PRKG1: variants seen among roughly 807,000 people sequenced by gnomAD.
The protein encoded by PRKG1 is protein kinase cGMP-dependent 1, also known as cGMP-dependent protein kinase 1.
In PRKG1, 35 loss-of-function variants were observed where a neutral mutation model predicts 88.1. That is an observed-to-expected ratio of 0.40 (90% confidence interval 0.30 to 0.53). PRKG1 has a LOEUF of 0.53. Ranked by LOEUF, PRKG1 falls within the 20% of genes least tolerant of loss-of-function variation. The pLI, the probability that PRKG1 is intolerant of heterozygous loss-of-function variation, is 0.59. For synonymous variants in PRKG1, 303 were observed against 292.5 expected, an observed-to-expected ratio of 1.04 and a Z score of -0.37; for missense variants, 540 against 839.8, an observed-to-expected ratio of 0.64 and a Z score of 4.41.
chr10:51,181,060 C>T (rs1176305312), intron 2 of PRKG1, among the ~76,000 whole-genome samples: 2 of 151,902 alleles, frequency 1.3e-5, no homozygotes, highest in East Asian at 3.9e-4. Context: ...TACTGTTACA[C>T]CTTGGATCAG....
intron 4 of PRKG1, among the ~76,000 whole-genome samples, chr10:51,831,961 G>A (rs1840017155): frequency 6.6e-6 from 1 of 152,070 alleles, no homozygotes; most frequent in Non-Finnish European, 1.5e-5. Context: ...TTCCGTATAT[G>A]TATATATTAC....
intron 2 of PRKG1, among the ~76,000 whole-genome samples, chr10:51,412,369 G>A (rs1028388687): frequency 2.6e-5 from 4 of 152,104 alleles, no homozygotes; most frequent in African/African-American, 7.2e-5. Context: ...CATCCTAAGG[G>A]CATAGTGTCT....
intron 3 of PRKG1, among the ~76,000 whole-genome samples, chr10:51,530,598 G>T (rs775973884): frequency 1.3e-5 from 2 of 152,096 alleles, no homozygotes; most frequent in South Asian, 4.1e-4. Context: ...CGTCATCATG[G>T]TCACCAATGC....
intron 1 of PRKG1, among the ~76,000 whole-genome samples, chr10:51,034,668 T>TTTTA (rs9299454): frequency 0.037 from 2,540 of 68,094 alleles, 156 homozygotes; most frequent in Middle Eastern, 0.097. Context: ...AATATGTTAT[T>TTTTA]TATATATATA....
chr10:51,242,906 A>G (rs774793175), intron 2 of PRKG1, among the ~76,000 whole-genome samples: 5 of 152,182 alleles, frequency 3.3e-5, no homozygotes, highest in Non-Finnish European at 7.3e-5. Context: ...GACAGATTAT[A>G]CCAAAGTGAT....
At chr10:51,156,557 C>T (rs1393440606) in intron 2 of PRKG1, among the ~76,000 whole-genome samples, 1 of 151,816 alleles carries the variant, frequency 6.6e-6, no homozygotes, top group Non-Finnish European at 1.5e-5. Context: ...TGTTGACTGC[C>T]TTCAGAGTCA....
intron 3 of PRKG1, among the ~76,000 whole-genome samples, chr10:51,617,629 T>C (rs1589134396): frequency 6.6e-6 from 1 of 152,328 alleles, no homozygotes; most frequent in African/African-American, 2.4e-5. Flanking sequence ...CTCTATAGGT[T>C]TGTAGCCTAA....
At chr10:52,171,472 G>T (rs1343983132) in intron 9 of PRKG1, among the ~76,000 whole-genome samples, 1 of 152,154 alleles carries the variant, frequency 6.6e-6, no homozygotes, top group Non-Finnish European at 1.5e-5. Flanking sequence ...CTATTTTATT[G>T]CAGGGCAAAA....
At chr10:51,907,938 T>C (rs1842122022) in intron 5 of PRKG1, 2 of 169,270 alleles carry the variant, frequency 1.2e-5, no homozygotes, top group Admixed American at 1.3e-4. Context: ...GGATTAGTAG[T>C]TGGGCACATA....
intron 5 of PRKG1, among the ~76,000 whole-genome samples, chr10:51,983,608 G>A (rs1844072466): frequency 6.6e-6 from 1 of 152,122 alleles, no homozygotes; most frequent in Non-Finnish European, 1.5e-5. Flanking sequence ...TCTCCTATAG[G>A]AACAAGTTGA....
chr10:51,535,032 A>G (rs2132101213), intron 3 of PRKG1, among the ~76,000 whole-genome samples: 1 of 152,300 alleles, frequency 6.6e-6, no homozygotes, highest in Non-Finnish European at 1.5e-5. Context: ...ATGAATTATC[A>G]CAGAAAAATA....
intron 9 of PRKG1, among the ~76,000 whole-genome samples, chr10:52,199,199 CTGACA>C (rs1467916366): frequency 6.6e-6 from 1 of 152,066 alleles, no homozygotes; most frequent in Non-Finnish European, 1.5e-5. Context: ...CCTTCTAACC[CTGACA>C]TTTTGACCTA....
chr10:51,652,809 C>T (rs1160235786), intron 3 of PRKG1, among the ~76,000 whole-genome samples: 1 of 152,156 alleles, frequency 6.6e-6, no homozygotes, highest in African/African-American at 2.4e-5. Flanking sequence ...TGCCGTGCAA[C>T]AGATCACTAC....
At chr10:52,155,884 A>G (rs911429973) in intron 8 of PRKG1, among the ~76,000 whole-genome samples, 6 of 152,024 alleles carry the variant, frequency 3.9e-5, no homozygotes, top group African/African-American at 1.4e-4. Context: ...CTTGATCACC[A>G]CTAAGTCACT....
intron 3 of PRKG1, among the ~76,000 whole-genome samples, chr10:51,713,082 T>C (rs1376599330): frequency 1.3e-5 from 2 of 152,150 alleles, no homozygotes; most frequent in African/African-American, 4.8e-5. Flanking sequence ...TGTCAGCGGT[T>C]TCATTAAGGA....
At chr10:51,266,412 A>G (rs1314753425) in intron 2 of PRKG1, among the ~76,000 whole-genome samples, 1 of 152,192 alleles carries the variant, frequency 6.6e-6, no homozygotes, top group Non-Finnish European at 1.5e-5. Context: ...CTGGAGAGGT[A>G]ATATCAGAAT....
At chr10:51,449,551 C>T (rs925537367) in intron 2 of PRKG1, among the ~76,000 whole-genome samples, 5 of 144,246 alleles carry the variant, frequency 3.5e-5, no homozygotes, top group African/African-American at 1.3e-4. Flanking sequence ...GGCTAGCAAA[C>T]TTCAACATTA....
chr10:51,299,584 G>T, intron 2 of PRKG1: 1 of 472,538 alleles, frequency 2.1e-6, no homozygotes, highest in South Asian at 1.5e-5. Flanking sequence ...CCCTAGCTTG[G>T]TTCTAAATCC....
chr10:52,014,704 C>A (rs1309479243), intron 5 of PRKG1, among the ~76,000 whole-genome samples: 1 of 152,182 alleles, frequency 6.6e-6, no homozygotes, highest in African/African-American at 2.4e-5. Context: ...AAATAAAAAA[C>A]AAGCTAGTTA....
Sources: allele counts gnomAD v4.1 joint callset (sites outside exome capture counted in the v4.1 genomes callset), GRCh38; gene constraint gnomAD v4.1.1; transcripts MANE v1.5; gene names NCBI Gene and HGNC (gene_info 2026-07-23, HGNC 2026-07-21).